The following DDR2 variants were observed in gnomAD, a reference collection of about 807,000 sequenced individuals.
The protein encoded by DDR2 is discoidin domain receptor tyrosine kinase 2.
A neutral mutation model predicts 94.9 loss-of-function variants in DDR2; 27 were observed. The ratio of observed to expected loss-of-function variants is 0.28; its 90% CI spans 0.21 to 0.39. The LOEUF (loss-of-function observed/expected upper bound fraction) is 0.39, where lower values mean the gene tolerates loss of function less well. Ranked by LOEUF, DDR2 falls within the 10% of genes least tolerant of loss-of-function variation. The pLI is 1.00. For synonymous variants in DDR2, 382 were observed against 377.2 expected (o/e 1.01, Z -0.15); for missense variants, 783 against 1,076.0 (o/e 0.73, Z 3.81).
At chr1:162,769,045 G>A (rs1218752702) in intron 11 of DDR2, among the ~76,000 whole-genome samples, 3 of 152,148 alleles carry the variant, frequency 2.0e-5, no homozygotes, top group African/African-American at 7.2e-5. Flanking sequence ...TAGCCAAGGG[G>A]GAAAGTCTGT....
chr1:162,777,653 C>T (rs1647655540), intron 16 of DDR2: 1 of 152,124 alleles, frequency 6.6e-6, no homozygotes, highest in Admixed American at 6.6e-5. Flanking sequence ...AGTTTTTCCA[C>T]TACTAATGGT....
At chr1:162,776,623 C>T (rs1045261626) in intron 16 of DDR2, among the ~76,000 whole-genome samples, 1 of 152,126 alleles carries the variant, frequency 6.6e-6, no homozygotes, top group Non-Finnish European at 1.5e-5. Context: ...CTTTGTTTCT[C>T]TTTATCATTT....
chr1:162,712,334 AC>A (rs1660956984), intron 2 of DDR2, among the ~76,000 whole-genome samples: 1 of 151,264 alleles, frequency 6.6e-6, no homozygotes, highest in African/African-American at 2.4e-5. Flanking sequence ...CAGATAACTT[AC>A]CCTTTCACCA....
intron 8 of DDR2, 123 bp from the exon 9 acceptor site, chr1:162,761,088 C>T (rs1165652361): frequency 2.1e-6 from 3 of 1,418,066 alleles, no homozygotes; most frequent in Non-Finnish European, 2.9e-6. Flanking sequence ...GGCAGTCTTC[C>T]TCTTACCTCA....
In DDR2 at chr1:162,780,422, T is replaced by TAA; in HGVS notation, c.*176_*177insAA. 5.3e-4 allele frequency: 2 copies of TAA among 3,764 alleles called. No homozygotes were observed. The highest frequency in any genetic ancestry group is 1.6e-3 in the Non-Finnish European group (2 of 1,276). The allele number at this position is 3,764 out of a possible 1,614,324, so 0.2% of individuals were successfully genotyped here. A position where few individuals can be genotyped will look rare whatever the true frequency, so the allele number is the denominator to read the frequency against. On this transcript the variant is annotated 3_prime_UTR_variant, in exon 18 of 18. Coordinates refer to ENST00000367921, the MANE Select transcript of DDR2 (RefSeq NM_006182.4). The stretch of plus-strand genomic sequence containing the variant: ...TCCCTACCCCTGACTCATATACACT[T>TAA]TTTTTTTTTTTTACATTAAAGAACT...
In DDR2 at chr1:162,778,798, C is replaced by A. The variant is rs907074; in HGVS notation, c.2433+69C>A. 1 allele frequency: 1,599,324 copies of A among 1,607,332 alleles called. 796,017 individuals carry two copies. Among genetic ancestry groups the A allele is most frequent in the East Asian group, 1 (44,770 of 44,770 alleles). On this transcript the variant is annotated intron_variant, in intron 17 of 17. Coordinates refer to ENST00000367921, the MANE Select transcript of DDR2 (RefSeq NM_006182.4). The stretch of plus-strand genomic sequence containing the variant: ...GAAGGATGGAGAATGGCAAGTCCTG[C>A]CTTAGCAGGAGTGGGCCGAGATGGA...
intron 2 of DDR2, among the ~76,000 whole-genome samples, chr1:162,711,696 A>G (rs1448877053): frequency 2.0e-5 from 3 of 152,180 alleles, no homozygotes; most frequent in Non-Finnish European, 1.5e-5. Flanking sequence ...TATTTTTCCA[A>G]AGAAATGTAG....
intron 7 of DDR2, among the ~76,000 whole-genome samples, chr1:162,759,248 GAAGA>G (rs1001723725): frequency 3.4e-4 from 52 of 152,278 alleles, no homozygotes; most frequent in African/African-American, 1.3e-3. Flanking sequence ...ATGTGGAATA[GAAGA>G]GAGTGTGACT....
intron 1 of DDR2, among the ~76,000 whole-genome samples, chr1:162,652,249 G>A (rs1657729767): frequency 1.3e-5 from 2 of 152,196 alleles, no homozygotes; most frequent in Admixed American, 1.3e-4. Flanking sequence ...CCAAACCTGG[G>A]CGGGGTTTTC....
chr1:162,718,778 G>A (rs141775183), intron 2 of DDR2, among the ~76,000 whole-genome samples: 10 of 152,196 alleles, frequency 6.6e-5, no homozygotes, highest in Non-Finnish European at 1.2e-4. Flanking sequence ...GGAAAACTTC[G>A]TGTGTCTGAC....
chr1:162,703,294 A>G (rs1383706463), intron 2 of DDR2, among the ~76,000 whole-genome samples: 3 of 152,232 alleles, frequency 2.0e-5, no homozygotes, highest in African/African-American at 7.2e-5. Context: ...ACTGAATCAT[A>G]TGGAAAAAAT....
chr1:162,672,414 T>C (rs1213146022), intron 2 of DDR2, among the ~76,000 whole-genome samples: 1 of 152,178 alleles, frequency 6.6e-6, no homozygotes, highest in Non-Finnish European at 1.5e-5. Flanking sequence ...TTCCCTGTTA[T>C]ATTTCTGAAT....
chr1:162,651,559 A>G (rs998304967), intron 1 of DDR2, among the ~76,000 whole-genome samples: 1 of 152,240 alleles, frequency 6.6e-6, no homozygotes, highest in East Asian at 1.9e-4. Context: ...ATATATATCT[A>G]CTATATCTTG....
At chr1:162,699,947 T>G (rs1660355597) in intron 2 of DDR2, among the ~76,000 whole-genome samples, 1 of 152,246 alleles carries the variant, frequency 6.6e-6, no homozygotes, top group Non-Finnish European at 1.5e-5. Context: ...CTTCCTAAGT[T>G]GATATGTAGC....
intron 3 of DDR2, among the ~76,000 whole-genome samples, chr1:162,739,043 C>T (rs1384334371): frequency 1.3e-4 from 14 of 105,218 alleles, no homozygotes; most frequent in African/African-American, 3.9e-4. Context: ...AGGACATAGG[C>T]GTGGGCAAGG....
At chr1:162,681,690 T>C (rs972747386) in intron 2 of DDR2, among the ~76,000 whole-genome samples, 2 of 152,170 alleles carry the variant, frequency 1.3e-5, no homozygotes, top group Non-Finnish European at 2.9e-5. Context: ...GAGAACTCTC[T>C]GGGGTCCTTA....
intron 9 of DDR2, among the ~76,000 whole-genome samples, chr1:162,761,771 A>G (rs1395629578): frequency 1.3e-5 from 2 of 152,260 alleles, no homozygotes; most frequent in Admixed American, 1.3e-4. Context: ...CCTAAGCATT[A>G]CTGAGATATT....
intron 2 of DDR2, among the ~76,000 whole-genome samples, chr1:162,706,411 C>T (rs1010807574): frequency 1.3e-5 from 2 of 152,098 alleles, no homozygotes; most frequent in Non-Finnish European, 2.9e-5. Context: ...CGTCTGAGCC[C>T]ACAGGTGGGT....
At chr1:162,770,670 C>G (rs1664225196) in intron 12 of DDR2, 158 bp downstream of exon 12, 1 of 800,980 alleles carries the variant, frequency 1.2e-6, no homozygotes, top group Non-Finnish European at 2.2e-6. Flanking sequence ...TGCCGCTGCT[C>G]CTGGCCTAAT....
Sources: allele counts gnomAD v4.1 joint callset (sites outside exome capture counted in the v4.1 genomes callset), GRCh38; gene constraint gnomAD v4.1.1; transcripts MANE v1.5; gene names NCBI Gene and HGNC (gene_info 2026-07-23, HGNC 2026-07-21).